Variants in IL23R observed in about 807,000 individuals in gnomAD.
IL23R encodes the protein interleukin-23 receptor.
IL23R carries 34 observed loss-of-function variants against 56.9 expected under a neutral mutation model. The observed-to-expected ratio is 0.60, with a 90% confidence interval of 0.45 to 0.80. The LOEUF (loss-of-function observed/expected upper bound fraction) is 0.80, where lower values mean the gene tolerates loss of function less well. Ranked by LOEUF, IL23R falls within the 30% of genes least tolerant of loss-of-function variation. The probability of loss-of-function intolerance (pLI) is 0.00; values close to 1 mark genes in which losing one functional copy is unlikely to be tolerated. For synonymous variants in IL23R, 230 were observed against 249.2 expected (o/e 0.92, Z 0.73); for missense variants, 635 against 730.0 (o/e 0.87, Z 1.50).
chr1:67,248,250 C>T (rs541173077), intron 9 of IL23R, among the ~76,000 whole-genome samples: 10 of 152,262 alleles, frequency 6.6e-5, no homozygotes, highest in South Asian at 4.1e-4. Context: ...TTAGGTACAC[C>T]GTTCAAACAT....
chr1:67,212,040 A>T, intron 6 of IL23R, among the ~76,000 whole-genome samples: 1 of 152,206 alleles, frequency 6.6e-6, no homozygotes. Context: ...CACAGACTCT[A>T]CATCACTTTA....
chr1:67,197,250 G>A (rs904674955), intron 4 of IL23R, among the ~76,000 whole-genome samples: 6 of 152,140 alleles, frequency 3.9e-5, no homozygotes, highest in Admixed American at 3.9e-4. Context: ...AATCAAGAGG[G>A]ATAAATGCTT....
At chr1:67,202,513 C>A (rs901518926) in intron 5 of IL23R, among the ~76,000 whole-genome samples, 1 of 152,240 alleles carries the variant, frequency 6.6e-6, no homozygotes, top group East Asian at 1.9e-4. Flanking sequence ...GTTAGGATTA[C>A]AGGCGTGAGC....
At chr1:67,227,154 T>C (rs1358446425) in intron 7 of IL23R, among the ~76,000 whole-genome samples, 1 of 152,230 alleles carries the variant, frequency 6.6e-6, no homozygotes, top group Non-Finnish European at 1.5e-5. Flanking sequence ...CAATTTGTCA[T>C]TGTAGAAAAC....
chr1:67,145,294 C>A (rs974394530), intron 1 of IL23R, among the ~76,000 whole-genome samples: 2 of 152,146 alleles, frequency 1.3e-5, no homozygotes, highest in Non-Finnish European at 2.9e-5. Flanking sequence ...CTGCAGTGAG[C>A]CCAAATTGTG....
At chr1:67,262,252 A>G (rs985918357), downstream of IL23R, among the ~76,000 whole-genome samples, 1 of 152,174 alleles carries the variant, frequency 6.6e-6, no homozygotes, top group Non-Finnish European at 1.5e-5. Context: ...TCCTAGGGGG[A>G]AGAGACAGAC....
At position 67,219,679 on chromosome 1, in the gene IL23R, A is replaced by G; in HGVS notation, c.904A>G (p.Arg302Gly). ...AGTGAGATGTCAAGAAACAGGCAAA[A>G]GGTACTGGCAGCCTTGGAGTTCACT... ...FQVRCQETGK[R>G]YWQPWSSLFF... The change falls in exon 7 of 11, where the codon AGG (arginine) becomes GGG (glycine). Residue 302 changes from arginine (R) to glycine (G), a missense_variant. By Grantham distance (125) the Arg-to-Gly change is moderately radical. Transcript: ENST00000347310. 6.2e-7 allele frequency: 1 copy of G among 1,614,060 alleles called. No individual in the cohort carries two copies. Among genetic ancestry groups the G allele is most frequent in the Non-Finnish European group, 8.5e-7 (1 of 1,179,914 alleles).
intron 7 of IL23R, among the ~76,000 whole-genome samples, chr1:67,228,028 T>C (rs1215708052): frequency 2.1e-5 from 2 of 96,626 alleles, no homozygotes; most frequent in African/African-American, 8.5e-5. Context: ...CTTCCTTTCT[T>C]TCTTTTCTTT....
At chr1:67,152,567 G>A (rs944593693) in intron 1 of IL23R, among the ~76,000 whole-genome samples, 3 of 152,146 alleles carry the variant, frequency 2.0e-5, no homozygotes, top group Admixed American at 6.5e-5. Flanking sequence ...TACTCATTCA[G>A]TATGGTATTG....
At chr1:67,148,124 T>G (rs1646695984) in intron 1 of IL23R, among the ~76,000 whole-genome samples, 1 of 152,240 alleles carries the variant, frequency 6.6e-6, no homozygotes, top group Non-Finnish European at 1.5e-5. Context: ...ATGGCGAGCC[T>G]CTAGCCCGAT....
chr1:67,262,516 C>T (rs1653227046), downstream of IL23R, among the ~76,000 whole-genome samples: 1 of 152,176 alleles, frequency 6.6e-6, no homozygotes, highest in South Asian at 2.1e-4. Context: ...CAGCTTGCCA[C>T]TGACAAATCC....
In IL23R at chr1:67,205,897, T is replaced by TTC. The variant is rs1211060744; in HGVS notation, c.653-1011_653-1010dup. 1.9e-3 allele frequency among the ~76,000 whole-genome samples: 239 copies of TTC among 123,982 alleles called. 7 individuals carry two copies. In the Admixed American group the frequency reaches 0.022, roughly 11 times the overall value. The allele number at this position is 123,982 out of a possible 152,430, so 81.3% of individuals were successfully genotyped here. A position where few individuals can be genotyped will look rare whatever the true frequency, so the allele number is the denominator to read the frequency against. Reference sequence around the variant, plus strand: ...CATCTTTCTTTCTTTCTTTCTTTCTTTCTTTCTTTCTTTCTTTCTTTCTTT... The same window carrying TTC: ...CATCTTTCTTTCTTTCTTTCTTTCTTTCTCTTTCTTTCTTTCTTTCTTTCTTT... On this transcript the variant is annotated intron_variant, in intron 5 of 10. Transcript: ENST00000347310.
At chr1:67,160,672 T>C (rs1451347703) in intron 1 of IL23R, among the ~76,000 whole-genome samples, 3 of 152,204 alleles carry the variant, frequency 2.0e-5, no homozygotes, top group Admixed American at 2.0e-4. Context: ...ATGTGAACTC[T>C]ATTCTTTTTT....
At chr1:67,227,580 C>T (rs1650704169) in intron 7 of IL23R, among the ~76,000 whole-genome samples, 1 of 151,938 alleles carries the variant, frequency 6.6e-6, no homozygotes, top group Non-Finnish European at 1.5e-5. Context: ...TTTTAAGTGG[C>T]TAAAAGGGAA....
intron 1 of IL23R, among the ~76,000 whole-genome samples, chr1:67,152,431 T>G (rs1646736854): frequency 6.6e-6 from 1 of 152,200 alleles, no homozygotes. Context: ...CTCTTCCTAT[T>G]TGAATACTTT....
chr1:67,263,744 C>A (rs560939185), downstream of IL23R, among the ~76,000 whole-genome samples: 1 of 151,960 alleles, frequency 6.6e-6, no homozygotes, highest in African/African-American at 2.4e-5. Flanking sequence ...AACCCAATCT[C>A]GACTAAAAAT....
downstream of IL23R, among the ~76,000 whole-genome samples, chr1:67,264,278 T>A (rs1389146588): frequency 1.3e-5 from 2 of 152,256 alleles, no homozygotes; most frequent in African/African-American, 4.8e-5. Flanking sequence ...ATGTCTGGGC[T>A]TTGTTCAAGT....
chr1:67,259,504 C>A lies in IL23R; in HGVS notation c.*376C>A. The A allele has an allele frequency of 3.5e-6, 1 of 282,248 alleles. No homozygotes were observed. The highest frequency in any genetic ancestry group is 6.8e-6 in the Non-Finnish European group (1 of 147,888). The allele number at this position is 282,248 out of a possible 1,614,324, so 17.5% of individuals were successfully genotyped here. A position where few individuals can be genotyped will look rare whatever the true frequency, so the allele number is the denominator to read the frequency against. ...TGCTTCATGGTCACACATACAGGCA[C>A]AAAAACAGCATTATGTGGACGCCTC... is the stretch of plus-strand genomic sequence containing the variant. On this transcript the variant is annotated 3_prime_UTR_variant, in exon 11 of 11. Transcript: ENST00000347310.
At chr1:67,195,602 G>A (rs756423718) in intron 4 of IL23R, among the ~76,000 whole-genome samples, 7 of 152,124 alleles carry the variant, frequency 4.6e-5, no homozygotes, top group South Asian at 2.1e-4. Context: ...TACCCTCCTC[G>A]TCCTCTCATG....
Sources: allele counts gnomAD v4.1 joint callset (sites outside exome capture counted in the v4.1 genomes callset), GRCh38; gene constraint gnomAD v4.1.1; transcripts MANE v1.5; gene names NCBI Gene and HGNC (gene_info 2026-07-23, HGNC 2026-07-21).